Variants in PNPLA3 observed in about 807,000 individuals in gnomAD.
The protein encoded by PNPLA3 is 1-acylglycerol-3-phosphate O-acyltransferase PNPLA3.
Under a neutral mutation model 43.1 loss-of-function variants are expected in PNPLA3, and 42 were observed. The ratio of observed to expected loss-of-function variants is 0.97; its 90% CI spans 0.76 to 1.26. The LOEUF is 1.26. Among genes scored for constraint, PNPLA3 ranks in the 50% most tolerant of loss-of-function variants. The probability of loss-of-function intolerance (pLI) is 0.00; values close to 1 mark genes in which losing one functional copy is unlikely to be tolerated. For missense variants in PNPLA3, 647 were observed against 621.4 expected (o/e 1.04, Z -0.44); for synonymous variants, 272 against 253.6 (o/e 1.07, Z -0.69).
rs1309116048 is a variant in PNPLA3, at chr22:43,946,182, G to A, written c.1246G>A (p.Ala416Thr). 1.2e-6 allele frequency: 2 copies of A among 1,613,790 alleles called. No homozygotes were observed. The highest frequency in any genetic ancestry group is 2.7e-5 in the African/African-American group (2 of 74,898). ...RSQMPVSSQQ[A>T]SPCTPEQDWP... Reference sequence around the variant, plus strand: ...CCAAATGCCAGTGAGCAGCCAACAGGCCTCCCCATGCACACCTGAGCAGGA... The same window carrying A: ...CCAAATGCCAGTGAGCAGCCAACAGACCTCCCCATGCACACCTGAGCAGGA... The change falls in exon 9 of 9, where the codon GCC becomes ACC. Residue 416 changes from alanine to threonine, a missense_variant. Transcript: ENST00000216180.
intron 1 of PNPLA3, among the ~76,000 whole-genome samples, chr22:43,926,101 C>T (rs1297610811): frequency 6.6e-6 from 1 of 152,196 alleles, no homozygotes; most frequent in Non-Finnish European, 1.5e-5. Context: ...TGAGCATGTC[C>T]CAGAGGCTGC....
intron 2 of PNPLA3, among the ~76,000 whole-genome samples, chr22:43,927,652 CTT>C (rs960713506): frequency 1.6e-4 from 4 of 24,950 alleles, no homozygotes; most frequent in Admixed American, 4.7e-4. Flanking sequence ...CTTTTTATCT[CTT>C]TTTTTTGGGT....
At position 43,934,603 on chromosome 22, in the gene PNPLA3, C is replaced by G. The variant is rs1310541963; in HGVS notation, c.697-3C>G. 6.2e-7 allele frequency: 1 copy of G among 1,613,326 alleles called. No individual in the cohort carries two copies. The highest frequency in any genetic ancestry group is 1.1e-5 in the South Asian group (1 of 91,056). On this transcript the variant is annotated splice_polypyrimidine_tract_variant and splice_region_variant and intron_variant, in intron 4 of 8. Transcript: ENST00000216180. ...GTAGTCCCCTTGCTTGCTTTGCTCA[C>G]AGGTGCTGGGAGAGATATGCCTTCG...
intron 3 of PNPLA3, among the ~76,000 whole-genome samples, chr22:43,930,388 C>T (rs554292643): frequency 1.3e-5 from 2 of 152,278 alleles, no homozygotes; most frequent in African/African-American, 4.8e-5. Context: ...CTGGAGTGCC[C>T]AGCTACTGAG....
intron 8 of PNPLA3, among the ~76,000 whole-genome samples, chr22:43,945,255 G>A (rs2050055636): frequency 6.6e-6 from 1 of 152,168 alleles, no homozygotes. Context: ...GCCTGGTAAT[G>A]CAAGCCCCCT....
chr22:43,943,184 T>C (rs1298600896), intron 7 of PNPLA3, among the ~76,000 whole-genome samples: 1 of 152,200 alleles, frequency 6.6e-6, no homozygotes, highest in Non-Finnish European at 1.5e-5. Context: ...TAACATTCTC[T>C]TGGAATATTT....
intron 7 of PNPLA3, among the ~76,000 whole-genome samples, chr22:43,942,310 G>C (rs1198871626): frequency 6.6e-6 from 1 of 152,158 alleles, no homozygotes; most frequent in East Asian, 1.9e-4. Context: ...GGTTTTTCTG[G>C]AGCAGAGTCT....
At position 43,923,824 on chromosome 22, in the gene PNPLA3, C is replaced by G. The variant is rs568405477; in HGVS notation, c.-88C>G. The G allele has an allele frequency of 3.0e-4, 398 of 1,315,356 alleles. 1 individual carries two copies. The African/African-American group carries it at 5.6e-3, about 19-fold the overall frequency. The allele number at this position is 1,315,356 out of a possible 1,614,324, so 81.5% of individuals were successfully genotyped here. On this transcript the variant is annotated 5_prime_UTR_variant, in exon 1 of 9. Transcript: ENST00000216180. Reference sequence around the variant, plus strand: ...CAGGGTAGAGAGCGCTTGCGGGCGCCGGGCGGAGCTGCTGCGGATCAGGAC... The same window carrying G: ...CAGGGTAGAGAGCGCTTGCGGGCGCGGGGCGGAGCTGCTGCGGATCAGGAC...
At chr22:43,932,650 C>G (rs2049968840) in intron 3 of PNPLA3, among the ~76,000 whole-genome samples, 1 of 152,246 alleles carries the variant, frequency 6.6e-6, no homozygotes, top group African/African-American at 2.4e-5. Context: ...AGTGCACACA[C>G]TGTACAACAG....
intron 2 of PNPLA3, 29 bp from the exon 3 acceptor site, chr22:43,928,795 T>C (rs2049942029): frequency 1.3e-6 from 2 of 1,588,598 alleles, no homozygotes; most frequent in East Asian, 4.5e-5. Context: ...TGCTCTCGCC[T>C]ATAACTTCTC....
intron 1 of PNPLA3, 59 bp downstream of exon 1, chr22:43,924,157 G>A: frequency 7.1e-7 from 1 of 1,400,022 alleles, no homozygotes; most frequent in Non-Finnish European, 9.2e-7. Flanking sequence ...CTAGGCCGGG[G>A]AGCGGGGGAT....
intron 6 of PNPLA3, 24 bp downstream of exon 6, chr22:43,937,296 C>T (rs749219262): frequency 5.3e-5 from 85 of 1,599,224 alleles, no homozygotes; most frequent in Middle Eastern, 5.2e-4. Context: ...GGGGTGAGCA[C>T]GGGCAGCACC....
At chr22:43,925,528 C>T (rs570558433) in intron 1 of PNPLA3, among the ~76,000 whole-genome samples, 48 of 152,262 alleles carry the variant, frequency 3.2e-4, no homozygotes, top group Middle Eastern at 6.8e-3. Flanking sequence ...ACTCTTTGCC[C>T]TGCCTGCCAG....
chr22:43,930,156 G>C (rs149390372), intron 3 of PNPLA3, among the ~76,000 whole-genome samples: 2 of 152,128 alleles, frequency 1.3e-5, no homozygotes, highest in East Asian at 3.9e-4. Flanking sequence ...GCTCCTGTGC[G>C]TTATCTTATA....
rs557667766 is a variant in PNPLA3 at position 43,936,999 on chromosome 22, G to T, written c.758-52G>T. On this transcript the variant is annotated intron_variant, in intron 5 of 8. Transcript: ENST00000216180. ...GCAGTTTGGTAGATGGGTGGGTAAC[G>T]ACCACCACTCCCACGTTCGCCTGAT... 1.4e-4 allele frequency: 210 copies of T among 1,488,298 alleles called. 2 individuals are homozygous for T. The South Asian group carries it at 2.3e-3, about 16-fold the overall frequency. 92.2% of individuals were successfully genotyped at this position (1,488,298 alleles called of 1,614,324 possible). A position where few individuals can be genotyped will look rare whatever the true frequency, so the allele number is the denominator to read the frequency against.
At position 43,927,056 on chromosome 22, in the gene PNPLA3, G is replaced by T. The variant is rs79118505; in HGVS notation, c.309G>T (p.Pro103=). 2.5e-6 allele frequency: 4 copies of T among 1,614,182 alleles called. No homozygotes were observed. Among genetic ancestry groups the T allele is most frequent in the Non-Finnish European group, 3.4e-6 (4 of 1,180,028 alleles). Residue 103 remains proline (P), a synonymous_variant, in exon 2 of 9, where the codon CCG becomes CCT. Transcript: ENST00000216180. The part of the protein sequence containing the change: ...FLRQGLCKCL[P]ANVHQLISGK... ...GACAGGGTCTCTGCAAATGCCTCCC[G>T]GCCAATGTCCACCAGCTCATCTCCG...
intron 1 of PNPLA3, among the ~76,000 whole-genome samples, chr22:43,926,145 G>T (rs2049920535): frequency 6.6e-6 from 1 of 152,244 alleles, no homozygotes; most frequent in Non-Finnish European, 1.5e-5. Flanking sequence ...CATCTGAGCT[G>T]AGGCTAACTT....
chr22:43,932,494 C>T (rs549591941), intron 3 of PNPLA3, among the ~76,000 whole-genome samples: 3 of 152,192 alleles, frequency 2.0e-5, no homozygotes, highest in Non-Finnish European at 4.4e-5. Flanking sequence ...ACACTCTGTC[C>T]CCGTGCACTG....
chr22:43,937,492 G>A (rs776114276), intron 6 of PNPLA3, among the ~76,000 whole-genome samples: 1 of 152,048 alleles, frequency 6.6e-6, no homozygotes, highest in Non-Finnish European at 1.5e-5. Context: ...CCCTTCCCAT[G>A]GGGTCATGAC....
Sources: allele counts gnomAD v4.1 joint callset (sites outside exome capture counted in the v4.1 genomes callset), GRCh38; gene constraint gnomAD v4.1.1; transcripts MANE v1.5; gene names NCBI Gene and HGNC (gene_info 2026-07-23, HGNC 2026-07-21).